The following ETNK2 variants were observed in gnomAD, a reference collection of about 807,000 sequenced individuals.
ETNK2 encodes ethanolamine kinase-like protein.
ETNK2 carries 33 observed loss-of-function variants against 46.2 expected under a neutral mutation model. The ratio of observed to expected loss-of-function variants is 0.71; its 90% CI spans 0.54 to 0.96. The LOEUF (loss-of-function observed/expected upper bound fraction) is 0.96, where lower values mean the gene tolerates loss of function less well. Among genes scored for constraint, ETNK2 ranks in the 40% least tolerant of loss-of-function variants. The probability of loss-of-function intolerance (pLI) is 0.00; values close to 1 mark genes in which losing one functional copy is unlikely to be tolerated. For missense variants in ETNK2, 445 were observed against 509.7 expected (o/e 0.87, Z 1.22); for synonymous variants, 194 against 209.0 (o/e 0.93, Z 0.62).
intron 2 of ETNK2, among the ~76,000 whole-genome samples, chr1:204,149,030 G>A (rs1657901381): frequency 6.6e-6 from 1 of 152,226 alleles, no homozygotes; most frequent in African/African-American, 2.4e-5. Flanking sequence ...AGATGCTAGG[G>A]GTCCTTCTTT....
chr1:204,150,751 C>T (rs939645796), intron 1 of ETNK2, among the ~76,000 whole-genome samples: 1 of 152,128 alleles, frequency 6.6e-6, no homozygotes, highest in South Asian at 2.1e-4. Flanking sequence ...CAAACTGGGC[C>T]TTTTATTTTG....
rs1657206745 is a variant in ETNK2, at chr1:204,134,536, G to A, written c.1067C>T (p.Thr356Ile). Residue 356 changes from threonine (T) to isoleucine (I), a missense_variant, in exon 7 of 8, where the codon ACC becomes ATC. By Grantham distance (89) the Thr-to-Ile change is moderately conservative. Transcript: ENST00000367202. The part of the protein sequence containing the change: ...LWALIQNQYS[T>I]IDFDFLRYAV... ...TCACCTGAGGAAATCAAAGTCGATGGTGGAGTACTGGTTCTGGATGAGGGC... is the reference window on the plus strand; with the variant it reads ...TCACCTGAGGAAATCAAAGTCGATGATGGAGTACTGGTTCTGGATGAGGGC... 1 of 1,614,014 alleles carries A rather than the reference G, an allele frequency of 6.2e-7. No homozygotes were observed. The highest frequency in any genetic ancestry group is 8.5e-7 in the Non-Finnish European group (1 of 1,179,892).
At position 204,151,674 on chromosome 1, in the gene ETNK2, G is replaced by C. The variant is rs1276470762; in HGVS notation, c.179C>G (p.Pro60Arg). ...AVAYFGISVD[P>R]DDILPGALRL... ...CAGGGCCCCGGGAAGGATGTCGTCC[G>C]GGTCCACGGAAATGCCGAAGTACGC... Residue 60 changes from proline to arginine, a missense_variant, in exon 1 of 8, where the codon CCG becomes CGG. By Grantham distance (103) the Pro-to-Arg change is moderately radical (BLOSUM62 -2). Coordinates refer to ENST00000367202, the MANE Select transcript of ETNK2 (RefSeq NM_018208.4). This position sits in a 1 kb window ranked among gnomAD's most constrained non-coding sequence, Gnocchi z 8.0. 3.9e-6 allele frequency: 6 copies of C among 1,548,080 alleles called. No homozygotes were observed. Among genetic ancestry groups the C allele is most frequent in the Non-Finnish European group, 5.2e-6 (6 of 1,145,998 alleles).
rs944720777 is a variant in ETNK2 at position 204,131,528 on chromosome 1, C to T, written c.*656G>A. On this transcript the variant is annotated 3_prime_UTR_variant, in exon 8 of 8. Transcript: ENST00000367202. The surrounding 1 kb of genome is among the most constrained non-coding windows in gnomAD (Gnocchi z 4.3). ...ACCACTCCCTCTCCTGTCCCCCCAGCAGGGGGACAAAACAGAAGCACAGGA... is the reference window on the plus strand; with the variant it reads ...ACCACTCCCTCTCCTGTCCCCCCAGTAGGGGGACAAAACAGAAGCACAGGA... 10 of 153,092 alleles carry T rather than the reference C, an allele frequency of 6.5e-5. No homozygotes were observed. Among genetic ancestry groups the T allele is most frequent in the African/African-American group, 2.4e-4 (10 of 41,474 alleles). The allele number at this position is 153,092 out of a possible 1,614,324, so 9.5% of individuals were successfully genotyped here.
chr1:204,131,750 G>A lies in ETNK2; in HGVS notation c.*434C>T, dbSNP rs889016564. ...TTTGGAGCTCAGCACCTCCCACATG[G>A]GGCATGCAGGGGGAGACGGACTGGA... On this transcript the variant is annotated 3_prime_UTR_variant, in exon 8 of 8. Transcript: ENST00000367202. This position sits in a 1 kb window ranked among gnomAD's most constrained non-coding sequence, Gnocchi z 4.3. 9 of 194,694 alleles carry A rather than the reference G, an allele frequency of 4.6e-5. No individual in the cohort carries two copies. Among genetic ancestry groups the A allele is most frequent in the African/African-American group, 1.8e-4 (8 of 43,486 alleles). The allele number at this position is 194,694 out of a possible 1,614,324, so 12.1% of individuals were successfully genotyped here.
chr1:204,140,107 A>G lies in ETNK2; in HGVS notation c.796T>C (p.Phe266Leu), dbSNP rs1657443670. 5 of 1,613,620 alleles carry G rather than the reference A, an allele frequency of 3.1e-6. No homozygotes were observed. The highest frequency in any genetic ancestry group is 4.2e-6 in the Non-Finnish European group (5 of 1,179,688). Residue 266 changes from phenylalanine to leucine, a missense_variant, in exon 5 of 8, where the codon TTC (phenylalanine) becomes CTC (leucine). Transcript: ENST00000367202. Reference protein sequence around the residue: ...IYDSIKGHVRFIDYEYAGYNY... With the variant: ...IYDSIKGHVRLIDYEYAGYNY... ...TAGCCAGCATATTCATAGTCAATGA[A>G]CCGCACGTGACCTATGAAGTAGAGG...
chr1:204,151,786 G>A lies in ETNK2; in HGVS notation c.67C>T (p.Pro23Ser). The change falls in exon 1 of 8, where the codon CCG (proline) becomes TCG (serine). Residue 23 changes from proline (P) to serine (S), a missense_variant. Transcript: ENST00000367202. This position sits in a 1 kb window ranked among gnomAD's most constrained non-coding sequence, Gnocchi z 8.0. Reference sequence around the variant, plus strand: ...TCCTCCATGCCCCATGAGCACTGCGGGCAAGGCGTGTGCCTCCTCAGGTGA... The same window carrying A: ...TCCTCCATGCCCCATGAGCACTGCGAGCAAGGCGTGTGCCTCCTCAGGTGA... ...SFHLRRHTPCPQCSWGMEEKA... is the reference protein window; with the variant it reads ...SFHLRRHTPCSQCSWGMEEKA... The A allele has an allele frequency of 1.3e-6, 2 of 1,505,512 alleles. No homozygotes were observed. Among genetic ancestry groups the A allele is most frequent in the Non-Finnish European group, 1.8e-6 (2 of 1,130,096 alleles). The allele number at this position is 1,505,512 out of a possible 1,614,324, so 93.3% of individuals were successfully genotyped here.
chr1:204,136,374 T>A (rs185734941), intron 6 of ETNK2, among the ~76,000 whole-genome samples: 26 of 149,378 alleles, frequency 1.7e-4, no homozygotes, highest in Non-Finnish European at 3.1e-4. Flanking sequence ...CCAGCCTAGA[T>A]GACAGAGCGG....
At chr1:204,134,434 C>T (rs1318221273) in intron 7 of ETNK2, 81 bp downstream of exon 7, 2 of 1,494,904 alleles carry the variant, frequency 1.3e-6, no homozygotes, top group Admixed American at 4.4e-5. Context: ...GGCATTCTGC[C>T]TGGGCTGTCC....
intron 1 of ETNK2, 129 bp from the exon 2 acceptor site, chr1:204,150,091 A>T: frequency 9.7e-7 from 1 of 1,030,182 alleles, no homozygotes; most frequent in Non-Finnish European, 1.4e-6. Context: ...CCAAGCCCCC[A>T]GTGCTTTAGC....
Position 204,141,419 on chromosome 1 carries a change from C to T in ETNK2, c.680G>A (p.Arg227Gln), listed in dbSNP as rs3737657. 0.04 allele frequency: 63,702 copies of T among 1,609,482 alleles called. 1,441 individuals carry two copies. Among genetic ancestry groups the T allele is most frequent in the Admixed American group, 0.073 (4,299 of 58,988 alleles). The change falls in exon 4 of 8, where the codon CGG becomes CAG. Residue 227 changes from arginine (R) to glutamine (Q), a missense_variant. Arg to Gln is a conservative substitution (Grantham distance 43, BLOSUM62 1). Transcript: ENST00000367202. ...ATGCTCCTTCAGCCAGGCCAGCTCC[C>T]GTTCCAACACCTCTACCTTAGGGAC... ...ADVPKVEVLE[R>Q]ELAWLKEHLS...
At chr1:204,150,064 T>C in intron 1 of ETNK2, 102 bp from the exon 2 acceptor site, 1 of 1,326,046 alleles carries the variant, frequency 7.5e-7, no homozygotes, top group Non-Finnish European at 1.0e-6. Flanking sequence ...CTCATTTGAA[T>C]GCCGAGCACA....
In ETNK2 at chr1:204,151,890, C is replaced by A. The variant is rs1658022804; in HGVS notation, c.-38G>T. 7.1e-6 allele frequency: 10 copies of A among 1,409,754 alleles called. No homozygotes were observed. Among genetic ancestry groups the A allele is most frequent in the Non-Finnish European group, 9.2e-6 (10 of 1,088,410 alleles). 87.3% of individuals were successfully genotyped at this position (1,409,754 alleles called of 1,614,324 possible). A position where few individuals can be genotyped will look rare whatever the true frequency, so the allele number is the denominator to read the frequency against. ...CACCCCCTCGGAGCCGCGGCAGACG[C>A]TAGCCCCGGCGGGGGGGTCCGGCGA... On this transcript the variant is annotated 5_prime_UTR_variant, in exon 1 of 8. An upstream open reading frame in the 5' UTR loses its in-frame stop. Transcript: ENST00000367202. This position sits in a 1 kb window ranked among gnomAD's most constrained non-coding sequence, Gnocchi z 8.0.
intron 6 of ETNK2, among the ~76,000 whole-genome samples, chr1:204,136,645 G>A (rs1009587778): frequency 2.0e-5 from 3 of 150,294 alleles, no homozygotes; most frequent in Middle Eastern, 3.2e-3. Context: ...CCTGAGAGGC[G>A]GAGGTTGCAG....
chr1:204,138,352 G>A (rs1046338308), intron 5 of ETNK2, among the ~76,000 whole-genome samples: 3 of 152,150 alleles, frequency 2.0e-5, no homozygotes, highest in African/African-American at 7.2e-5. Flanking sequence ...TTGAGAGCAG[G>A]CTGCAATCTA....
In ETNK2 at chr1:204,151,892, A is replaced by G; in HGVS notation, c.-40T>C. The G allele has an allele frequency of 7.1e-7, 1 of 1,409,274 alleles. No homozygotes were observed. The highest frequency in any genetic ancestry group is 9.2e-7 in the Non-Finnish European group (1 of 1,088,266). 87.3% of individuals were successfully genotyped at this position (1,409,274 alleles called of 1,614,324 possible). On this transcript the variant is annotated 5_prime_UTR_variant, in exon 1 of 8. It removes the in-frame stop codon of an upstream open reading frame in the 5' UTR. Transcript: ENST00000367202. This position sits in a 1 kb window ranked among gnomAD's most constrained non-coding sequence, Gnocchi z 8.0. ...CCCCCTCGGAGCCGCGGCAGACGCTAGCCCCGGCGGGGGGGTCCGGCGAGG... is the reference window on the plus strand; with the variant it reads ...CCCCCTCGGAGCCGCGGCAGACGCTGGCCCCGGCGGGGGGGTCCGGCGAGG...
At chr1:204,144,268 C>T (rs372763841) in intron 3 of ETNK2, among the ~76,000 whole-genome samples, 43 of 141,856 alleles carry the variant, frequency 3.0e-4, no homozygotes, top group Middle Eastern at 7.6e-3. Flanking sequence ...ATCACTTGAA[C>T]CTGGGAAGCA....
chr1:204,134,414 G>T (rs1252692210), intron 7 of ETNK2, 101 bp downstream of exon 7: 6 of 1,340,008 alleles, frequency 4.5e-6, no homozygotes. Context: ...GAGCAGGGGA[G>T]CGGACTCTGG....
chr1:204,137,312 C>G (rs1657329193), intron 5 of ETNK2, 63 bp from the exon 6 acceptor site: 1 of 1,569,960 alleles, frequency 6.4e-7, no homozygotes, highest in Non-Finnish European at 8.7e-7. Flanking sequence ...TCTCCTCAAG[C>G]TCAGTAGGTG....
Sources: gnomAD v4.1 joint callset for allele counts (sites outside exome capture counted in the v4.1 genomes callset) on GRCh38, gnomAD v4.1.1 for gene constraint, Gnocchi (gnomAD v3.1) non-coding constraint, MANE v1.5 for transcripts, NCBI Gene and HGNC (gene_info 2026-07-23, HGNC 2026-07-21) for gene names.